SNAP91: variants seen among roughly 807,000 people sequenced by gnomAD.
SNAP91 encodes clathrin coat assembly protein AP180.
A neutral mutation model predicts 100.3 loss-of-function variants in SNAP91; 27 were observed. The ratio of observed to expected loss-of-function variants is 0.27; its 90% CI spans 0.20 to 0.37. The LOEUF (loss-of-function observed/expected upper bound fraction) is 0.37. SNAP91 is among the 10% of genes least tolerant of loss of function. The pLI is 1.00. For synonymous variants in SNAP91, 404 were observed against 398.6 expected (o/e 1.01, Z -0.16); for missense variants, 986 against 1,123.7 (o/e 0.88, Z 1.75).
chr6:83,580,823 GA>G (rs1379055928), intron 23 of SNAP91, among the ~76,000 whole-genome samples: 1 of 152,062 alleles, frequency 6.6e-6, no homozygotes, highest in Non-Finnish European at 1.5e-5. Context: ...AACAAGGATG[GA>G]AAAAAATCTG....
intron 7 of SNAP91, 88 bp downstream of exon 7, chr6:83,656,666 C>CAAG (rs3037027): frequency 0.8 from 465,542 of 582,208 alleles, 188,253 homozygotes; most frequent in East Asian, 0.96. Flanking sequence ...TATTGCCCAC[C>CAAG]AAGTGAGACA....
At chr6:83,638,721 G>A (rs1420961814) in intron 8 of SNAP91, among the ~76,000 whole-genome samples, 3 of 152,092 alleles carry the variant, frequency 2.0e-5, no homozygotes, top group Non-Finnish European at 4.4e-5. Context: ...AGACAATTTA[G>A]GAATTCTTCC....
intron 7 of SNAP91, among the ~76,000 whole-genome samples, chr6:83,651,400 A>G (rs964052890): frequency 2.0e-5 from 3 of 152,156 alleles, no homozygotes; most frequent in African/African-American, 4.8e-5. Context: ...TTTCCGTATA[A>G]GCACTGCTTT....
Position 83,580,491 on chromosome 6 carries a change from A to G in SNAP91, c.2258T>C (p.Leu753Pro). The part of the protein sequence containing the change: ...PSPAMAASKA[L>P]GSDLDSSLAS... ...AAGAGATGAATCAAGATCACTTCCA[A>G]GGGCTTTGCTGGCTGCCATTGCAGG... Residue 753 changes from leucine to proline, a missense_variant, in exon 24 of 30, where the codon CTT becomes CCT. By Grantham distance (98) the Leu-to-Pro change is moderately conservative. Transcript: ENST00000369694. The G allele has an allele frequency of 6.2e-7, 1 of 1,613,722 alleles. No homozygotes were observed. Among genetic ancestry groups the G allele is most frequent in the Non-Finnish European group, 8.5e-7 (1 of 1,179,802 alleles).
At chr6:83,708,650 C>T (rs1214023599) in intron 1 of SNAP91, 195 bp downstream of exon 1, 1 of 152,250 alleles carries the variant, frequency 6.6e-6, no homozygotes, top group Non-Finnish European at 1.5e-5. Context: ...GCGCCGGAGT[C>T]TTGGGGCGCC....
At chr6:83,585,493 C>T (rs371558199) in intron 22 of SNAP91, among the ~76,000 whole-genome samples, 1 of 151,366 alleles carries the variant, frequency 6.6e-6, no homozygotes, top group East Asian at 1.9e-4. Context: ...CACACCAATG[C>T]CCTCCAGCCT....
At chr6:83,700,589 A>C (rs2099279436) in intron 2 of SNAP91, among the ~76,000 whole-genome samples, 1 of 151,576 alleles carries the variant, frequency 6.6e-6, no homozygotes, top group African/African-American at 2.4e-5. Context: ...AGCAGAAGAC[A>C]ACTAAAGAAA....
intron 12 of SNAP91, 102 bp from the exon 13 acceptor site, chr6:83,607,910 T>A: frequency 2.0e-6 from 1 of 497,418 alleles, no homozygotes. Flanking sequence ...CCAGCAATTT[T>A]TTTTTTGTAA....
At chr6:83,580,723 CAAGT>C in intron 23 of SNAP91, 124 bp from the exon 24 acceptor site, 1 of 867,672 alleles carries the variant, frequency 1.2e-6, no homozygotes, top group East Asian at 2.8e-5. Context: ...TAAAAGAAGG[CAAGT>C]AATTCACACT....
At chr6:83,647,929 G>A (rs1208214988) in intron 7 of SNAP91, among the ~76,000 whole-genome samples, 3 of 152,182 alleles carry the variant, frequency 2.0e-5, no homozygotes, top group African/African-American at 7.2e-5. Flanking sequence ...TAACATGTCA[G>A]AAGGTATCAC....
At chr6:83,657,020 G>A (rs2098423035) in intron 6 of SNAP91, among the ~76,000 whole-genome samples, 155 bp from the exon 7 acceptor site, 1 of 151,872 alleles carries the variant, frequency 6.6e-6, no homozygotes, top group Non-Finnish European at 1.5e-5. Flanking sequence ...ATCAAAAGAT[G>A]GACTACATAT....
intron 2 of SNAP91, among the ~76,000 whole-genome samples, chr6:83,678,140 T>C (rs2098935440): frequency 6.6e-6 from 1 of 152,208 alleles, no homozygotes; most frequent in Non-Finnish European, 1.5e-5. Flanking sequence ...ATGACAGCCT[T>C]GAGGTTTTTT....
intron 1 of SNAP91, 189 bp from the exon 2 acceptor site, chr6:83,708,146 G>GT: frequency 2.0e-6 from 1 of 500,490 alleles, no homozygotes; most frequent in Non-Finnish European, 3.4e-6. Flanking sequence ...TTGGCCGTGA[G>GT]TAGGGCCGTC....
intron 27 of SNAP91, among the ~76,000 whole-genome samples, 176 bp downstream of exon 27, chr6:83,560,688 C>G (rs1785853929): frequency 1.3e-5 from 2 of 152,116 alleles, no homozygotes; most frequent in African/African-American, 4.8e-5. Context: ...TATTTTATAA[C>G]TCATTTTATC....
intron 2 of SNAP91, 30 bp from the exon 3 acceptor site, chr6:83,665,611 T>G (rs1208387557): frequency 6.3e-7 from 1 of 1,588,902 alleles, no homozygotes; most frequent in Admixed American, 1.7e-5. Context: ...TAATCAATGA[T>G]ATTAACAATT....
At chr6:83,585,536 A>AC (rs2092340967) in intron 22 of SNAP91, among the ~76,000 whole-genome samples, 1 of 67,966 alleles carries the variant, frequency 1.5e-5, no homozygotes, top group East Asian at 6.7e-4. Flanking sequence ...TGCTTAAAAA[A>AC]AAAAAAAAAA....
chr6:83,678,897 T>G, intron 2 of SNAP91: 1 of 1,139,516 alleles, frequency 8.8e-7, no homozygotes, highest in Non-Finnish European at 1.1e-6. Flanking sequence ...TACATCATTT[T>G]ACTTTACTGC....
At chr6:83,569,762 T>C (rs1803244840) in intron 26 of SNAP91, among the ~76,000 whole-genome samples, 1 of 152,152 alleles carries the variant, frequency 6.6e-6, no homozygotes, top group Non-Finnish European at 1.5e-5. Context: ...ATAAGTCTCA[T>C]GAGATCTGAT....
At chr6:83,688,606 C>G (rs530822587) in intron 2 of SNAP91, among the ~76,000 whole-genome samples, 1 of 150,984 alleles carries the variant, frequency 6.6e-6, no homozygotes. Flanking sequence ...CAGGTTCAAG[C>G]GATTCTCCTG....
Sources: gnomAD v4.1 joint callset for allele counts (sites outside exome capture counted in the v4.1 genomes callset) on GRCh38, gnomAD v4.1.1 for gene constraint, MANE v1.5 for transcripts, NCBI Gene and HGNC (gene_info 2026-07-23, HGNC 2026-07-21) for gene names.